The following RPN2 variants were observed in gnomAD, a reference collection of about 807,000 sequenced individuals.
The protein encoded by RPN2 is dolichyl-diphosphooligosaccharide--protein glycosyltransferase subunit 2.
Under a neutral mutation model 71.4 loss-of-function variants are expected in RPN2, and 29 were observed. The observed-to-expected ratio is 0.41, with a 90% CI of 0.30 to 0.55. The LOEUF (loss-of-function observed/expected upper bound fraction) is 0.55, where lower values mean the gene tolerates loss of function less well. Ranked by LOEUF, RPN2 falls within the 20% of genes least tolerant of loss-of-function variation. RPN2 has a pLI of 0.35. For synonymous variants in RPN2, 308 were observed against 305.0 expected, an observed-to-expected ratio of 1.01 and a Z score of -0.10; for missense variants, 726 against 774.1, an observed-to-expected ratio of 0.94 and a Z score of 0.74.
intron 2 of RPN2, among the ~76,000 whole-genome samples, chr20:37,197,917 A>C (rs2067289351): frequency 6.6e-6 from 1 of 152,306 alleles, no homozygotes; most frequent in South Asian, 2.1e-4. Context: ...AGATTTGTTG[A>C]GCCTGACTTG....
At chr20:37,227,102 C>T (rs1007021968) in intron 11 of RPN2, among the ~76,000 whole-genome samples, 6 of 152,200 alleles carry the variant, frequency 3.9e-5, no homozygotes, top group African/African-American at 9.7e-5. Flanking sequence ...GAGTCCTCTG[C>T]TCCTCTCTCC....
At chr20:37,231,246 ATACGTTTCAGTTTGGGCCTAAACGGAGG>A (rs2068235009) in intron 13 of RPN2, among the ~76,000 whole-genome samples, 1 of 152,046 alleles carries the variant, frequency 6.6e-6, no homozygotes, top group Non-Finnish European at 1.5e-5. Context: ...TCACACAGCC[ATACGTTTCAGTTTGGGCCTAAACGGAGG>A]TCTCCAGAAT....
At chr20:37,191,421 G>A (rs1375407549) in intron 2 of RPN2, among the ~76,000 whole-genome samples, 2 of 151,940 alleles carry the variant, frequency 1.3e-5, no homozygotes, top group Non-Finnish European at 2.9e-5. Context: ...GTTTTGCAGT[G>A]AGCTGAGACT....
chr20:37,195,672 A>G (rs1282523448), intron 2 of RPN2, among the ~76,000 whole-genome samples: 1 of 152,210 alleles, frequency 6.6e-6, no homozygotes, highest in Non-Finnish European at 1.5e-5. Flanking sequence ...TAGAGGTAGA[A>G]GTAGAGGTAG....
intron 8 of RPN2, among the ~76,000 whole-genome samples, chr20:37,210,428 G>A (rs903770871): frequency 2.0e-5 from 3 of 151,328 alleles, no homozygotes; most frequent in African/African-American, 7.3e-5. Flanking sequence ...ATTTTTTTCT[G>A]ATAAATAATA....
At chr20:37,202,292 T>TA (rs2067409648) in intron 4 of RPN2, among the ~76,000 whole-genome samples, 1 of 152,186 alleles carries the variant, frequency 6.6e-6, no homozygotes, top group Admixed American at 6.5e-5. Flanking sequence ...AAGCATCCCA[T>TA]AGGTGTCGTT....
intron 16 of RPN2, chr20:37,238,797 A>G (rs552088620): frequency 1.6e-5 from 9 of 562,180 alleles, no homozygotes; most frequent in South Asian, 6.9e-5. Context: ...TGAGGATAAG[A>G]CAAATCCAAA....
intron 2 of RPN2, among the ~76,000 whole-genome samples, chr20:37,185,234 GGC>G (rs1453029868): frequency 1.3e-5 from 2 of 151,372 alleles, no homozygotes; most frequent in East Asian, 3.9e-4. Context: ...CTGTCTCCTG[GGC>G]TCAAGCCATC....
At chr20:37,188,320 G>A (rs11699979) in intron 2 of RPN2, among the ~76,000 whole-genome samples, 124,417 of 151,972 alleles carry the variant, frequency 0.82, 51,626 homozygotes, top group Middle Eastern at 0.93. Context: ...ACACCCAGCT[G>A]ATTTTTTGTA....
intron 9 of RPN2, among the ~76,000 whole-genome samples, chr20:37,221,826 C>T (rs1045243099): frequency 5.3e-5 from 8 of 152,230 alleles, no homozygotes; most frequent in African/African-American, 1.9e-4. Flanking sequence ...TGGAATGTTT[C>T]CTACTCCCCA....
chr20:37,182,780 G>A (rs2066915748), intron 1 of RPN2, among the ~76,000 whole-genome samples: 1 of 152,154 alleles, frequency 6.6e-6, no homozygotes, highest in Admixed American at 6.5e-5. Context: ...TTAGCCTAGT[G>A]ATTATTTGTT....
At chr20:37,233,995 T>A in intron 14 of RPN2, 25 bp from the exon 15 acceptor site, 1 of 1,613,712 alleles carries the variant, frequency 6.2e-7, no homozygotes, top group Non-Finnish European at 8.5e-7. Flanking sequence ...AATGCCTTTT[T>A]AATTTATTTC....
rs1400653115 is a variant in RPN2 at position 37,187,358 on chromosome 20, C to T, written c.207+2985C>T. Among the ~76,000 whole-genome samples the T allele has an allele frequency of 6.4e-5, 3 of 46,604 alleles. 1 individual carries two copies. The highest frequency in any genetic ancestry group is 1.5e-4 in the Non-Finnish European group (3 of 19,996). The allele number at this position is 46,604 out of a possible 152,430, so 30.6% of individuals were successfully genotyped here. On this transcript the variant is annotated intron_variant, in intron 2 of 16. Transcript: ENST00000237530. ...TCTACTAAAAATACAAAAAATTAGC[C>T]GGGCGTAGTGGCGGGCGCCTGTAGT...
chr20:37,227,135 A>G (rs1207439665), intron 11 of RPN2, among the ~76,000 whole-genome samples: 1 of 152,228 alleles, frequency 6.6e-6, no homozygotes, highest in Non-Finnish European at 1.5e-5. Context: ...AACTCCAGAC[A>G]GCTTGGTTAG....
intron 7 of RPN2, among the ~76,000 whole-genome samples, chr20:37,208,863 A>G (rs370541702): frequency 2.7e-4 from 41 of 152,320 alleles, no homozygotes; most frequent in African/African-American, 9.4e-4. Context: ...CTGTCCCATT[A>G]GTTCTACTTT....
At chr20:37,188,649 G>A (rs2067069384) in intron 2 of RPN2, among the ~76,000 whole-genome samples, 1 of 145,366 alleles carries the variant, frequency 6.9e-6, no homozygotes, top group African/African-American at 2.6e-5. Context: ...ACAAGGCCTC[G>A]CTCTGTTGCC....
At chr20:37,199,952 C>T (rs941986861) in intron 4 of RPN2, among the ~76,000 whole-genome samples, 4 of 152,012 alleles carry the variant, frequency 2.6e-5, no homozygotes, top group African/African-American at 9.7e-5. Flanking sequence ...CTACCTCAGC[C>T]TCCCGAGTAG....
At chr20:37,197,629 C>T (rs2067282498) in intron 2 of RPN2, among the ~76,000 whole-genome samples, 1 of 152,018 alleles carries the variant, frequency 6.6e-6, no homozygotes, top group Non-Finnish European at 1.5e-5. Context: ...TTTTGGGGGA[C>T]TGGGTCTCGC....
At chr20:37,195,253 G>T (rs1022036586) in intron 2 of RPN2, among the ~76,000 whole-genome samples, 2 of 152,184 alleles carry the variant, frequency 1.3e-5, no homozygotes, top group African/African-American at 4.8e-5. Context: ...GTTCTGGGAG[G>T]TGTCCCTGCT....
Sources: allele counts gnomAD v4.1 joint callset (sites outside exome capture counted in the v4.1 genomes callset), GRCh38; gene constraint gnomAD v4.1.1; transcripts MANE v1.5; gene names NCBI Gene and HGNC (gene_info 2026-07-23, HGNC 2026-07-21).